The following DERA variants were observed in gnomAD, a reference collection of about 807,000 sequenced individuals.
DERA encodes the protein deoxyribose-phosphate aldolase.
DERA carries 15 observed loss-of-function variants against 41.1 expected under a neutral mutation model. That is an observed-to-expected ratio of 0.37 (90% CI 0.24 to 0.56). The LOEUF is 0.56. Among genes scored for constraint, DERA ranks in the 20% least tolerant of loss-of-function variants. The probability of loss-of-function intolerance (pLI) is 0.81; values close to 1 mark genes in which losing one functional copy is unlikely to be tolerated. For synonymous variants in DERA, 139 were observed against 137.4 expected, an observed-to-expected ratio of 1.01 and a Z score of -0.08; for missense variants, 396 against 403.4, an observed-to-expected ratio of 0.98 and a Z score of 0.16.
rs993219885 is a variant in DERA at position 15,983,977 on chromosome 12, AC to A, written c.637+1543del. The stretch of plus-strand genomic sequence containing the variant: ...AGAAGACTCACTGTGCCTCTTAGGA[AC>A]CTGGGAAAAGCCCCTTGGAGGCTAC... On this transcript the variant is annotated intron_variant, in intron 6 of 8. Coordinates refer to ENST00000428559, the MANE Select transcript of DERA (RefSeq NM_015954.4). The surrounding 1 kb of genome is among the most constrained non-coding windows in gnomAD (Gnocchi z 6.2). Among the ~76,000 whole-genome samples the A allele has an allele frequency of 1.2e-4, 18 of 152,186 alleles. No individual in the cohort carries two copies. Among genetic ancestry groups the A allele is most frequent in the African/African-American group, 2.7e-4 (11 of 41,442 alleles).
At position 15,940,861 on chromosome 12, in the gene DERA, G is replaced by A. The variant is rs1349119030; in HGVS notation, c.32-16075G>A. On this transcript the variant is annotated intron_variant, in intron 1 of 8. Transcript: ENST00000428559. This position sits in a 1 kb window ranked among gnomAD's most constrained non-coding sequence, Gnocchi z 5.1. Reference sequence around the variant, plus strand: ...TACCGATGCTTTTTAGCAGATTTAGGTCATCCTGGAGTCTGATATATAAAT... The same window carrying A: ...TACCGATGCTTTTTAGCAGATTTAGATCATCCTGGAGTCTGATATATAAAT... Among the ~76,000 whole-genome samples, 1 of 152,082 alleles carries A rather than the reference G, an allele frequency of 6.6e-6. No homozygotes were observed. Among genetic ancestry groups the A allele is most frequent in the Non-Finnish European group, 1.5e-5 (1 of 68,022 alleles).
intron 4 of DERA, among the ~76,000 whole-genome samples, chr12:15,961,913 T>C (rs1031016662): frequency 1.3e-5 from 2 of 152,128 alleles, no homozygotes; most frequent in African/African-American, 4.8e-5. Context: ...CAGGCTAATT[T>C]TTATACTTTT....
In DERA at chr12:16,014,920, T is replaced by C. The variant is rs886474411; in HGVS notation, c.638-17622T>C. Among the ~76,000 whole-genome samples, 1 of 152,192 alleles carries C rather than the reference T, an allele frequency of 6.6e-6. No individual in the cohort carries two copies. The highest frequency in any genetic ancestry group is 1.5e-5 in the Non-Finnish European group (1 of 68,034). On this transcript the variant is annotated intron_variant, in intron 6 of 8. Coordinates refer to ENST00000428559, the MANE Select transcript of DERA (RefSeq NM_015954.4). This position sits in a 1 kb window ranked among gnomAD's most constrained non-coding sequence, Gnocchi z 5.4. Reference sequence around the variant, plus strand: ...AGACATGGAGTCAAAGGAGATCTTTTTGTAGCTTTAAGATTTGACTGCCCT... The same window carrying C: ...AGACATGGAGTCAAAGGAGATCTTTCTGTAGCTTTAAGATTTGACTGCCCT...
At position 16,036,103 on chromosome 12, in the gene DERA, ATGAAG is replaced by A. The variant is rs1181346785; in HGVS notation, c.751-124_751-120del. ...TCACTGATCTAAGCCCTTTCACTGG[ATGAAG>A]TGAAAAGATTTTTTTTCAACAAAAG... On this transcript the variant is annotated intron_variant, in intron 7 of 8. Transcript: ENST00000428559. The surrounding 1 kb of genome is among the most constrained non-coding windows in gnomAD (Gnocchi z 4.9). 4.6e-6 allele frequency: 4 copies of A among 862,064 alleles called. No homozygotes were observed. The highest frequency in any genetic ancestry group is 6.4e-6 in the Non-Finnish European group (4 of 623,086). The allele number at this position is 862,064 out of a possible 1,614,324, so 53.4% of individuals were successfully genotyped here.
chr12:15,925,274 C>T (rs182927452), intron 1 of DERA, among the ~76,000 whole-genome samples: 9 of 152,288 alleles, frequency 5.9e-5, no homozygotes, highest in Admixed American at 3.3e-4. Context: ...GAAGGTGAAG[C>T]TTAAATTCCT....
At chr12:15,923,988 A>G (rs1004896064) in intron 1 of DERA, among the ~76,000 whole-genome samples, 3 of 152,240 alleles carry the variant, frequency 2.0e-5, no homozygotes, top group African/African-American at 7.2e-5. Flanking sequence ...TCTTAAACAA[A>G]TTACTGTATT....
rs908116948 is a variant in DERA at position 16,032,162 on chromosome 12, A to G, written c.638-380A>G. ...ATTAAGCATGAGCAAATTAGGAGAA[A>G]ATGAGTAGGCACTCCTGTTTTGTAG... On this transcript the variant is annotated intron_variant, in intron 6 of 8. Coordinates refer to ENST00000428559, the MANE Select transcript of DERA (RefSeq NM_015954.4). 2.0e-5 allele frequency among the ~76,000 whole-genome samples: 3 copies of G among 152,292 alleles called. No individual in the cohort carries two copies. In the South Asian group the frequency reaches 6.2e-4, roughly 32 times the overall value.
In DERA at chr12:15,995,741, A is replaced by C. The variant is rs1430003022; in HGVS notation, c.637+13305A>C. ...GAAGTCACAGCACAGGATGAGATAA[A>C]TTGAACCCTTCTCATGAAGAGTGGT... On this transcript the variant is annotated intron_variant, in intron 6 of 8. Transcript: ENST00000428559. The surrounding 1 kb of genome is among the most constrained non-coding windows in gnomAD (Gnocchi z 5.1). Among the ~76,000 whole-genome samples the C allele has an allele frequency of 1.3e-5, 2 of 152,202 alleles. No individual in the cohort carries two copies. Among genetic ancestry groups the C allele is most frequent in the African/African-American group, 4.8e-5 (2 of 41,448 alleles).
intron 1 of DERA, among the ~76,000 whole-genome samples, chr12:15,914,343 C>T (rs1252233151): frequency 6.7e-6 from 1 of 149,906 alleles, no homozygotes; most frequent in Admixed American, 6.7e-5. Flanking sequence ...AATTGTGCCA[C>T]TGCACTCCAT....
rs1346600537 is a variant in DERA at position 16,003,695 on chromosome 12, A to G, written c.637+21259A>G. On this transcript the variant is annotated intron_variant, in intron 6 of 8. Transcript: ENST00000428559. The surrounding 1 kb of genome is among the most constrained non-coding windows in gnomAD (Gnocchi z 4.8). ...TTTGTTGGGGGAGCGCCAGGAAACA[A>G]GAGTGTCAATTTCTGGCTCATGAGT... is the stretch of plus-strand genomic sequence containing the variant. 6.6e-6 allele frequency among the ~76,000 whole-genome samples: 1 copy of G among 152,164 alleles called. No homozygotes were observed. The highest frequency in any genetic ancestry group is 1.5e-5 in the Non-Finnish European group (1 of 68,022).
rs1405436188 is a variant in DERA at position 15,941,406 on chromosome 12, T to C, written c.32-15530T>C. On this transcript the variant is annotated intron_variant, in intron 1 of 8. Coordinates refer to ENST00000428559, the MANE Select transcript of DERA (RefSeq NM_015954.4). This position sits in a 1 kb window ranked among gnomAD's most constrained non-coding sequence, Gnocchi z 4.5. Reference sequence around the variant, plus strand: ...TTTTTAATTTCAATAGTTTTTGAGGTACAGGTGGTTTTGGATTACATGGTT... The same window carrying C: ...TTTTTAATTTCAATAGTTTTTGAGGCACAGGTGGTTTTGGATTACATGGTT... Among the ~76,000 whole-genome samples, 1 of 152,144 alleles carries C rather than the reference T, an allele frequency of 6.6e-6. No individual in the cohort carries two copies. The highest frequency in any genetic ancestry group is 2.4e-5 in the African/African-American group (1 of 41,432).
chr12:15,961,915 T>TA (rs1948590975), intron 4 of DERA, among the ~76,000 whole-genome samples: 1 of 152,142 alleles, frequency 6.6e-6, no homozygotes, highest in Non-Finnish European at 1.5e-5. Flanking sequence ...GGCTAATTTT[T>TA]ATACTTTTAG....
In DERA at chr12:16,000,920, T is replaced by G. The variant is rs1356288928; in HGVS notation, c.637+18484T>G. On this transcript the variant is annotated intron_variant, in intron 6 of 8. Transcript: ENST00000428559. This position sits in a 1 kb window ranked among gnomAD's most constrained non-coding sequence, Gnocchi z 4.8. ...AAAAAGCAGGTTTTGTTCTGCCTTT[T>G]TCTGCATTCTTGTTTTACAGTATTC... Among the ~76,000 whole-genome samples, 1 of 152,232 alleles carries G rather than the reference T, an allele frequency of 6.6e-6. No individual in the cohort carries two copies. Among genetic ancestry groups the G allele is most frequent in the Non-Finnish European group, 1.5e-5 (1 of 68,038 alleles).
At chr12:15,919,903 A>G (rs1320307294) in intron 1 of DERA, among the ~76,000 whole-genome samples, 1 of 152,176 alleles carries the variant, frequency 6.6e-6, no homozygotes, top group Non-Finnish European at 1.5e-5. Flanking sequence ...AACTGCTCTC[A>G]TAATCCAGAT....
Position 15,957,095 on chromosome 12 carries a change from G to C in DERA, c.129+62G>C. ...TACAATGCATGGTCTCTTCCCTCAA[G>C]GCCACAATATTGAATTTCACTCAAG... On this transcript the variant is annotated intron_variant, in intron 2 of 8. Coordinates refer to ENST00000428559, the MANE Select transcript of DERA (RefSeq NM_015954.4). This position sits in a 1 kb window ranked among gnomAD's most constrained non-coding sequence, Gnocchi z 4.8. 2 of 1,268,596 alleles carry C rather than the reference G, an allele frequency of 1.6e-6. No individual in the cohort carries two copies. The highest frequency in any genetic ancestry group is 2.3e-6 in the Non-Finnish European group (2 of 873,538). 78.6% of individuals were successfully genotyped at this position (1,268,596 alleles called of 1,614,324 possible).
chr12:15,979,823 C>T (rs998900014), intron 5 of DERA, among the ~76,000 whole-genome samples: 4 of 152,156 alleles, frequency 2.6e-5, no homozygotes, highest in African/African-American at 4.8e-5. Flanking sequence ...CTCTGGTTTT[C>T]GTGGTTAATT....
At chr12:15,947,686 T>TA (rs1488650781) in intron 1 of DERA, among the ~76,000 whole-genome samples, 8 of 152,232 alleles carry the variant, frequency 5.3e-5, no homozygotes, top group African/African-American at 1.9e-4. Context: ...TGTCTTTTAA[T>TA]TGGACCATTT....
At position 15,985,716 on chromosome 12, in the gene DERA, T is replaced by C. The variant is rs1360849127; in HGVS notation, c.637+3280T>C. On this transcript the variant is annotated intron_variant, in intron 6 of 8. Coordinates refer to ENST00000428559, the MANE Select transcript of DERA (RefSeq NM_015954.4). The surrounding 1 kb of genome is among the most constrained non-coding windows in gnomAD (Gnocchi z 4.2). ...CCTATTGTTGCTTTATAATTTAAGA[T>C]TTTGTTATCCTCAGAGAGTATCCAT... 6.6e-6 allele frequency among the ~76,000 whole-genome samples: 1 copy of C among 152,186 alleles called. No individual in the cohort carries two copies. The highest frequency in any genetic ancestry group is 2.4e-5 in the African/African-American group (1 of 41,458).
At chr12:15,917,308 A>T (rs1289824512) in intron 1 of DERA, among the ~76,000 whole-genome samples, 3 of 152,234 alleles carry the variant, frequency 2.0e-5, no homozygotes, top group Non-Finnish European at 2.9e-5. Context: ...GAATTTAAAA[A>T]TTTTTAGATT....
Sources: gnomAD v4.1 joint callset for allele counts (sites outside exome capture counted in the v4.1 genomes callset) on GRCh38, gnomAD v4.1.1 for gene constraint, Gnocchi (gnomAD v3.1) non-coding constraint, MANE v1.5 for transcripts, NCBI Gene and HGNC (gene_info 2026-07-23, HGNC 2026-07-21) for gene names.